BBS9: variants seen among roughly 807,000 people sequenced by gnomAD.
BBS9 encodes the protein Bardet-Biedl syndrome 9.
In BBS9, 89 loss-of-function variants were observed where a neutral mutation model predicts 117.7. That is an observed-to-expected ratio of 0.76 (90% CI 0.64 to 0.90). The LOEUF (loss-of-function observed/expected upper bound fraction) is 0.90. Ranked by LOEUF, BBS9 falls within the 40% of genes least tolerant of loss-of-function variation. The pLI is 0.00. For missense variants in BBS9, 982 were observed against 1,042.2 expected (o/e 0.94, Z 0.80); for synonymous variants, 379 against 370.9 (o/e 1.02, Z -0.25).
intron 5 of BBS9, among the ~76,000 whole-genome samples, chr7:33,234,232 T>C (rs1271630786): frequency 6.6e-6 from 1 of 152,024 alleles, no homozygotes; most frequent in Non-Finnish European, 1.5e-5. Flanking sequence ...GAAAAAACAG[T>C]GTGTGTATAG....
chr7:33,424,525 C>G (rs1354175705), intron 19 of BBS9, among the ~76,000 whole-genome samples: 3 of 151,648 alleles, frequency 2.0e-5, no homozygotes, highest in Non-Finnish European at 4.4e-5. Context: ...GCAGCCTTCT[C>G]TCTTGTAATG....
Position 33,352,874 on chromosome 7 carries a change from G to A in BBS9, c.1552+1G>A. The A allele has an allele frequency of 1.9e-6, 3 of 1,612,192 alleles. No individual in the cohort carries two copies. Among genetic ancestry groups the A allele is most frequent in the South Asian group, 2.2e-5 (2 of 91,040 alleles). ...TGATGGACAGATCGAAATCCTGATG[G>A]TAAGTGTAAAGATAATTTAGAAAAA... is the stretch of plus-strand genomic sequence containing the variant. On this transcript the variant is annotated splice_donor_variant, in intron 15 of 22. Coordinates refer to ENST00000242067, the MANE Select transcript of BBS9 (RefSeq NM_198428.3). LOFTEE classifies it high-confidence loss of function.
In BBS9 at chr7:33,326,305, A is replaced by C. The variant is rs6962002; in HGVS notation, c.1017-10136A>C. Among the ~76,000 whole-genome samples, 3,704 of 150,724 alleles carry C rather than the reference A, an allele frequency of 0.025. 213 individuals carry two copies. In the East Asian group the frequency reaches 0.26, roughly 11 times the overall value. On this transcript the variant is annotated intron_variant, in intron 9 of 22. Coordinates refer to ENST00000242067, the MANE Select transcript of BBS9 (RefSeq NM_198428.3). ...CACCTCTAGGCTTGCAGTGAGTACT[A>C]TCTGGCTACCGCTGATGTTCACTCA...
chr7:33,525,845 G>A (rs1353187978), intron 20 of BBS9, among the ~76,000 whole-genome samples: 3 of 149,820 alleles, frequency 2.0e-5, no homozygotes, highest in Non-Finnish European at 4.4e-5. Flanking sequence ...TCCTAGTCTC[G>A]ATGGTCTTTA....
At chr7:33,227,306 C>T (rs1311124081) in intron 5 of BBS9, among the ~76,000 whole-genome samples, 2 of 151,930 alleles carry the variant, frequency 1.3e-5, no homozygotes, top group African/African-American at 4.8e-5. Context: ...CGCCACCATG[C>T]CTGGCTAATT....
At chr7:33,242,061 C>T (rs1463089928) in intron 5 of BBS9, among the ~76,000 whole-genome samples, 3 of 152,032 alleles carry the variant, frequency 2.0e-5, no homozygotes, top group African/African-American at 7.2e-5. Context: ...AATCTTTTGT[C>T]AGATGTTTGG....
chr7:33,252,808 A>G lies in BBS9; in HGVS notation c.443-4428A>G, dbSNP rs142282399. Among the ~76,000 whole-genome samples, 27 of 152,276 alleles carry G rather than the reference A, an allele frequency of 1.8e-4. 1 individual carries two copies. Among genetic ancestry groups the G allele is most frequent in the African/African-American group, 6.3e-4 (26 of 41,562 alleles). On this transcript the variant is annotated intron_variant, in intron 5 of 22. Transcript: ENST00000242067. ...TTGCATAAATATTTCATATCTTAAT[A>G]GAAAATATATCGACATTTGTATTTA...
intron 19 of BBS9, among the ~76,000 whole-genome samples, chr7:33,470,482 C>T (rs141787343): frequency 6.6e-6 from 1 of 152,036 alleles, no homozygotes; most frequent in African/African-American, 2.4e-5. Flanking sequence ...TTTTTACCAC[C>T]CCTATTTATT....
rs758084698 is a variant in BBS9 at position 33,146,370 on chromosome 7, C to A, written c.112+6C>A. On this transcript the variant is annotated splice_donor_region_variant and intron_variant, in intron 2 of 22. Transcript: ENST00000242067. Reference sequence around the variant, plus strand: ...CAATAGTGGAAATGGACAAGGTAAGCAACTTACAACCATACATCTTGGATG... The same window carrying A: ...CAATAGTGGAAATGGACAAGGTAAGAAACTTACAACCATACATCTTGGATG... The A allele has an allele frequency of 1.3e-6, 2 of 1,595,032 alleles. No homozygotes were observed. Among genetic ancestry groups the A allele is most frequent in the South Asian group, 2.2e-5 (2 of 90,660 alleles).
At chr7:33,401,836 T>TC (rs1336421816) in intron 19 of BBS9, among the ~76,000 whole-genome samples, 1 of 152,134 alleles carries the variant, frequency 6.6e-6, no homozygotes, top group Non-Finnish European at 1.5e-5. Context: ...TAGATTTTTT[T>TC]CCCCCACAAG....
intron 1 of BBS9, among the ~76,000 whole-genome samples, chr7:33,137,651 T>C (rs1790733046): frequency 6.6e-6 from 1 of 152,246 alleles, no homozygotes; most frequent in Admixed American, 6.5e-5. Flanking sequence ...GCAGTGCTCC[T>C]TCTCTGCTTC....
At position 33,264,292 on chromosome 7, in the gene BBS9, A is replaced by G. The variant is rs1398942596; in HGVS notation, c.620A>G (p.Tyr207Cys). Residue 207 changes from tyrosine (Y) to cysteine (C), a missense_variant and splice_region_variant, in exon 7 of 23, where the codon TAC (tyrosine) becomes TGC (cysteine). Physicochemically the swap from Tyr to Cys is radical, Grantham distance 194. Coordinates refer to ENST00000242067, the MANE Select transcript of BBS9 (RefSeq NM_198428.3). The stretch of plus-strand genomic sequence containing the variant: ...TTTTTTAAATTTCTTTCATACAGGT[A>G]CCAGGTACTTGCTTTTGCAACAGAT... ...SSCQQVESYK[Y>C]QVLAFATDAD... The G allele has an allele frequency of 1.3e-6, 2 of 1,529,462 alleles. No individual in the cohort carries two copies. The highest frequency in any genetic ancestry group is 1.8e-6 in the Non-Finnish European group (2 of 1,134,556). 94.7% of individuals were successfully genotyped at this position (1,529,462 alleles called of 1,614,324 possible). A position where few individuals can be genotyped will look rare whatever the true frequency, so the allele number is the denominator to read the frequency against.
intron 21 of BBS9, among the ~76,000 whole-genome samples, chr7:33,574,820 G>T (rs1470700317): frequency 1.7e-5 from 2 of 115,328 alleles, no homozygotes; most frequent in Admixed American, 7.2e-5. Flanking sequence ...CAGAGTGAGT[G>T]GAAAGACTTT....
intron 19 of BBS9, among the ~76,000 whole-genome samples, chr7:33,432,518 A>G (rs17725162): frequency 0.34 from 51,184 of 151,950 alleles, 9,725 homozygotes; most frequent in African/African-American, 0.52. Flanking sequence ...AAAGGGTTCC[A>G]TAGAAAACTA....
At chr7:33,429,414 A>G (rs1216132386) in intron 19 of BBS9, among the ~76,000 whole-genome samples, 1 of 152,110 alleles carries the variant, frequency 6.6e-6, no homozygotes, top group Non-Finnish European at 1.5e-5. Context: ...TAATGTTTAC[A>G]TCATTTATTT....
intron 5 of BBS9, among the ~76,000 whole-genome samples, chr7:33,203,712 A>G (rs1171299913): frequency 2.1e-5 from 1 of 47,360 alleles, no homozygotes; most frequent in Non-Finnish European, 4.1e-5. Flanking sequence ...CGATATTGGA[A>G]CACTACTTTT....
chr7:33,521,277 G>A (rs1333396125), intron 20 of BBS9, among the ~76,000 whole-genome samples: 1 of 152,222 alleles, frequency 6.6e-6, no homozygotes, highest in Non-Finnish European at 1.5e-5. Context: ...GAGTGGGTTG[G>A]TTTGCAGCAG....
chr7:33,505,995 G>A (rs542410254), intron 20 of BBS9, among the ~76,000 whole-genome samples: 36 of 152,190 alleles, frequency 2.4e-4, no homozygotes, highest in African/African-American at 7.2e-4. Context: ...AAAACACTTC[G>A]GCCATTTTAA....
At chr7:33,511,072 A>G (rs186913337) in intron 20 of BBS9, among the ~76,000 whole-genome samples, 14 of 152,260 alleles carry the variant, frequency 9.2e-5, no homozygotes, top group African/African-American at 3.1e-4. Context: ...TGCTGTTCCT[A>G]TTCCCCCATG....
Sources: allele counts gnomAD v4.1 joint callset (sites outside exome capture counted in the v4.1 genomes callset), GRCh38; gene constraint gnomAD v4.1.1; transcripts MANE v1.5; gene names NCBI Gene and HGNC (gene_info 2026-07-23, HGNC 2026-07-21).